Variants in KIAA1217 observed in about 807,000 individuals in gnomAD.
KIAA1217 encodes the protein KIAA1217.
KIAA1217 carries 88 observed loss-of-function variants against 163.9 expected under a neutral mutation model. The observed-to-expected ratio is 0.54, with a 90% CI of 0.45 to 0.64. KIAA1217 has a LOEUF of 0.64. Among genes scored for constraint, KIAA1217 ranks in the 30% least tolerant of loss-of-function variants. The pLI is 0.00. For missense variants in KIAA1217, 2,372 were observed against 2,475.0 expected, an observed-to-expected ratio of 0.96 and a Z score of 0.88; for synonymous variants, 903 against 923.1, an observed-to-expected ratio of 0.98 and a Z score of 0.39.
chr10:23,893,061 G>T (rs924955857), intron 1 of KIAA1217, among the ~76,000 whole-genome samples: 1 of 151,954 alleles, frequency 6.6e-6, no homozygotes, highest in African/African-American at 2.4e-5. Flanking sequence ...GTTTCAGAAG[G>T]AATGGTACCA....
intron 2 of KIAA1217, among the ~76,000 whole-genome samples, chr10:24,119,076 T>G (rs969693063): frequency 5.9e-5 from 9 of 152,204 alleles, no homozygotes; most frequent in Non-Finnish European, 1.0e-4. Context: ...CAAGATGAGA[T>G]ACTGAGTTTT....
intron 1 of KIAA1217, among the ~76,000 whole-genome samples, chr10:23,903,247 T>C (rs1842023594): frequency 6.6e-6 from 1 of 152,120 alleles, no homozygotes; most frequent in South Asian, 2.1e-4. Context: ...AACTTAGTAG[T>C]TTCTATCAAA....
At chr10:24,158,929 T>A (rs1190867541) in intron 2 of KIAA1217, 2 of 195,434 alleles carry the variant, frequency 1.0e-5, no homozygotes, top group East Asian at 3.2e-4. Flanking sequence ...TCATTAAAGA[T>A]ACAGCCTATT....
chr10:24,209,914 C>T (rs559980753), intron 1 of KIAA1217, among the ~76,000 whole-genome samples: 18 of 152,192 alleles, frequency 1.2e-4, no homozygotes, highest in Admixed American at 7.9e-4. Flanking sequence ...TTGTCTTTTC[C>T]GTAGGGAATT....
chr10:23,967,501 A>T lies in KIAA1217; in HGVS notation c.-320-39724A>T, dbSNP rs569540696. 2.6e-5 allele frequency among the ~76,000 whole-genome samples: 4 copies of T among 152,348 alleles called. No individual in the cohort carries two copies. In the South Asian group the frequency reaches 8.3e-4, roughly 32 times the overall value. On this transcript the variant is annotated intron_variant, in intron 1 of 18. Coordinates refer to the KIAA1217 transcript ENST00000376462. The stretch of plus-strand genomic sequence containing the variant: ...AGAAAAAGAAATACAAATGGCCAAT[A>T]CATAAATGCAATGATACTTGACTTC...
chr10:23,934,677 G>A (rs1166962012), intron 1 of KIAA1217, among the ~76,000 whole-genome samples: 6 of 140,542 alleles, frequency 4.3e-5, no homozygotes, highest in African/African-American at 1.1e-4. Context: ...GAGTGCAGTG[G>A]CACAATTTCG....
rs1370734789 is a variant in KIAA1217, at chr10:24,454,648, G to A, written c.846+16169G>A. ...CTGGTGGTCAGGGTCTGATAGCTTCGTCTAGAATGAGCATCTAGTGCCAGT... is the reference window on the plus strand; with the variant it reads ...CTGGTGGTCAGGGTCTGATAGCTTCATCTAGAATGAGCATCTAGTGCCAGT... On this transcript the variant is annotated intron_variant, in intron 5 of 20. Transcript: ENST00000376454. Among the ~76,000 whole-genome samples, 12 of 152,078 alleles carry A rather than the reference G, an allele frequency of 7.9e-5. No individual in the cohort carries two copies. The East Asian group carries it at 1.2e-3, about 15-fold the overall frequency.
intron 1 of KIAA1217, among the ~76,000 whole-genome samples, chr10:23,750,042 A>T (rs1451813021): frequency 6.7e-6 from 1 of 149,306 alleles, no homozygotes; most frequent in Non-Finnish European, 1.5e-5. Flanking sequence ...TTCCTCACGT[A>T]TCTTGATTCT....
chr10:24,187,660 G>A (rs1055764267), intron 2 of KIAA1217, among the ~76,000 whole-genome samples: 3 of 152,012 alleles, frequency 2.0e-5, no homozygotes, highest in Non-Finnish European at 4.4e-5. Flanking sequence ...GGAGGCTGAG[G>A]CAGGTGGATC....
chr10:24,307,055 G>A (rs1340419868), intron 2 of KIAA1217, among the ~76,000 whole-genome samples: 2 of 152,170 alleles, frequency 1.3e-5, no homozygotes, highest in Non-Finnish European at 2.9e-5. Context: ...CAGCTTTCAC[G>A]TCAGTATTTC....
chr10:24,093,324 C>A (rs185358410), intron 2 of KIAA1217, among the ~76,000 whole-genome samples: 4 of 151,708 alleles, frequency 2.6e-5, no homozygotes, highest in Admixed American at 2.6e-4. Context: ...GCACCTGCCA[C>A]CATGCCCAGC....
intron 2 of KIAA1217, among the ~76,000 whole-genome samples, chr10:24,106,740 T>G (rs1363524314): frequency 6.6e-6 from 1 of 152,174 alleles, no homozygotes; most frequent in Non-Finnish European, 1.5e-5. Flanking sequence ...ATCTCAACTG[T>G]CTCATCCATT....
chr10:24,091,747 T>C (rs2061945804), intron 2 of KIAA1217, among the ~76,000 whole-genome samples: 1 of 151,798 alleles, frequency 6.6e-6, no homozygotes, highest in Admixed American at 6.5e-5. Context: ...CCATAGCAAA[T>C]GCTTCACCGC....
chr10:23,983,497 G>T (rs1326869029), intron 1 of KIAA1217, among the ~76,000 whole-genome samples: 2 of 152,148 alleles, frequency 1.3e-5, no homozygotes, highest in Admixed American at 6.5e-5. Context: ...AAGGAAGAGA[G>T]AGAGAGAAGG....
intron 1 of KIAA1217, among the ~76,000 whole-genome samples, chr10:23,757,184 C>G (rs899359089): frequency 3.3e-5 from 5 of 152,072 alleles, no homozygotes; most frequent in African/African-American, 1.2e-4. Flanking sequence ...ATGAACATGT[C>G]TGTGGAAATA....
intron 3 of KIAA1217, among the ~76,000 whole-genome samples, chr10:24,398,033 TA>T (rs1435065944): frequency 3.3e-5 from 5 of 152,334 alleles, no homozygotes; most frequent in South Asian, 2.1e-4. Context: ...ACACAGGGAT[TA>T]GGGGCGCTGA....
chr10:23,707,264 C>A (rs1836952374), intron 1 of KIAA1217, among the ~76,000 whole-genome samples: 1 of 152,004 alleles, frequency 6.6e-6, no homozygotes, highest in Admixed American at 6.6e-5. Context: ...GAATAACATA[C>A]CCCAAGGCCC....
chr10:24,537,931 T>G (rs1422313216), intron 17 of KIAA1217, among the ~76,000 whole-genome samples: 1 of 152,218 alleles, frequency 6.6e-6, no homozygotes, highest in African/African-American at 2.4e-5. Flanking sequence ...TCTCTGATTT[T>G]CAGATATAAA....
intron 19 of KIAA1217, 33 bp from the exon 20 acceptor site, chr10:24,544,948 T>C (rs371206040): frequency 2.7e-5 from 43 of 1,607,036 alleles, no homozygotes; most frequent in Non-Finnish European, 3.4e-5. Flanking sequence ...GCGCTTCTCC[T>C]TCTCTTCCCC....
Sources: gnomAD v4.1 joint callset for allele counts (sites outside exome capture counted in the v4.1 genomes callset) on GRCh38, gnomAD v4.1.1 for gene constraint, MANE v1.5 for transcripts, NCBI Gene and HGNC (gene_info 2026-07-23, HGNC 2026-07-21) for gene names.